TRIM25: variants seen among roughly 807,000 people sequenced by gnomAD.
TRIM25 encodes E3 ubiquitin/ISG15 ligase TRIM25.
In TRIM25, 45 loss-of-function variants were observed where a neutral mutation model predicts 65.2. The observed-to-expected ratio is 0.69, with a 90% CI of 0.54 to 0.89. TRIM25 has a LOEUF of 0.89. Among genes scored for constraint, TRIM25 ranks in the 40% least tolerant of loss-of-function variants. TRIM25 has a pLI of 0.00. For synonymous variants in TRIM25, 321 were observed against 340.4 expected (o/e 0.94, Z 0.63); for missense variants, 714 against 803.7 (o/e 0.89, Z 1.35).
chr17:56,895,700 G>C, intron 6 of TRIM25, 96 bp from the exon 7 acceptor site: 1 of 1,328,050 alleles, frequency 7.5e-7, no homozygotes, highest in Non-Finnish European at 1.0e-6. Flanking sequence ...ACACACGCCT[G>C]AACAGCAGGA....
Position 56,895,369 on chromosome 17 carries a change from G to T in TRIM25, c.1337C>A (p.Ala446Asp). 6.2e-7 allele frequency: 1 copy of T among 1,614,116 alleles called. No homozygotes were observed. Among genetic ancestry groups the T allele is most frequent in the Non-Finnish European group, 8.5e-7 (1 of 1,180,000 alleles). ...LKAKVLETFL[A>D]KSRPELLEYY... ...CTCCAGGAGCTCAGGTCTGGACTTG[G>T]CCAGGAAGGTCTCCAGCACCTTGGC... The change falls in exon 8 of 9, where the codon GCC becomes GAC. Residue 446 changes from alanine to aspartate, a missense_variant. Coordinates refer to ENST00000316881, the MANE Select transcript of TRIM25 (RefSeq NM_005082.5).
intron 5 of TRIM25, among the ~76,000 whole-genome samples, chr17:56,897,982 A>G (rs1274393511): frequency 6.6e-6 from 1 of 152,204 alleles, no homozygotes; most frequent in Non-Finnish European, 1.5e-5. Flanking sequence ...CCTGAACACT[A>G]AGCACAAGCA....
In TRIM25 at chr17:56,899,135, C is replaced by T. The variant is rs200203148; in HGVS notation, c.1133G>A (p.Arg378His). The T allele has an allele frequency of 5.2e-4, 843 of 1,614,036 alleles. 1 individual carries two copies. Among genetic ancestry groups the T allele is most frequent in the Non-Finnish European group, 6.9e-4 (815 of 1,180,034 alleles). ...CTTACTGGAGACCTTCTTCACAGGG[C>T]GTGTGGATTTGTGTGTGGACGCTGG... Reference protein sequence around the residue: ...HDPASTHKSTRPVKKVSKEEK... With the variant: ...HDPASTHKSTHPVKKVSKEEK... Residue 378 changes from arginine to histidine, a missense_variant, in exon 5 of 9, where the codon CGC (arginine) becomes CAC (histidine). Physicochemically the swap from Arg to His is conservative, Grantham distance 29. Transcript: ENST00000316881.
intron 2 of TRIM25, among the ~76,000 whole-genome samples, 168 bp downstream of exon 2, chr17:56,908,300 C>A (rs1909559102): frequency 6.6e-6 from 1 of 152,214 alleles, no homozygotes; most frequent in African/African-American, 2.4e-5. Context: ...TGCAAAGGAT[C>A]TCTCTCAGAC....
chr17:56,908,969 G>A (rs1417594962), intron 1 of TRIM25, among the ~76,000 whole-genome samples: 1 of 151,986 alleles, frequency 6.6e-6, no homozygotes, highest in African/African-American at 2.4e-5. Context: ...ATATTATTAT[G>A]AGTTTTTCTC....
Position 56,895,968 on chromosome 17 carries a change from T to C in TRIM25, c.1154-16A>G, listed in dbSNP as rs1277549210. 1.9e-6 allele frequency: 3 copies of C among 1,611,072 alleles called. No homozygotes were observed. The highest frequency in any genetic ancestry group is 2.2e-5 in the East Asian group (1 of 44,818). On this transcript the variant is annotated splice_polypyrimidine_tract_variant and intron_variant, in intron 5 of 8. Coordinates refer to ENST00000316881, the MANE Select transcript of TRIM25 (RefSeq NM_005082.5). ...TTTTCCTCTTCTGCAAAAGAAAGTTTTCAGATTTAATTTCTTTTAAGGCAC... is the reference window on the plus strand; with the variant it reads ...TTTTCCTCTTCTGCAAAAGAAAGTTCTCAGATTTAATTTCTTTTAAGGCAC...
intron 4 of TRIM25, among the ~76,000 whole-genome samples, chr17:56,900,825 G>A (rs961883559): frequency 6.6e-6 from 1 of 152,202 alleles, no homozygotes; most frequent in Non-Finnish European, 1.5e-5. Context: ...AGGAAGCCTA[G>A]TGAGAGGGCA....
At chr17:56,893,460 G>T (rs942788429) in intron 8 of TRIM25, among the ~76,000 whole-genome samples, 6 of 152,224 alleles carry the variant, frequency 3.9e-5, no homozygotes, top group Non-Finnish European at 7.3e-5. Context: ...GCCTCTCTTG[G>T]GGGGCAGGGA....
chr17:56,912,186 C>T (rs1909643595), intron 1 of TRIM25: 1 of 152,254 alleles, frequency 6.6e-6, no homozygotes, highest in Non-Finnish European at 1.5e-5. Flanking sequence ...GAAATGAAAT[C>T]AGGCCATGCT....
At chr17:56,900,538 A>G (rs1909390359) in intron 4 of TRIM25, among the ~76,000 whole-genome samples, 1 of 152,344 alleles carries the variant, frequency 6.6e-6, no homozygotes, top group Non-Finnish European at 1.5e-5. Context: ...GAGTGGGAGC[A>G]GTGGCAGGGG....
At position 56,913,655 on chromosome 17, in the gene TRIM25, T is replaced by A. The variant is rs751315089; in HGVS notation, c.334A>T (p.Lys112Ter). 6.3e-7 allele frequency: 1 copy of A among 1,597,832 alleles called. No individual in the cohort carries two copies. The highest frequency in any genetic ancestry group is 8.5e-7 in the Non-Finnish European group (1 of 1,170,860). Residue 112 changes from lysine (K) to a stop codon, truncating the protein, a stop_gained, in exon 1 of 9, where the codon AAG becomes TAG. Coordinates refer to ENST00000316881, the MANE Select transcript of TRIM25 (RefSeq NM_005082.5). LOFTEE classifies it high-confidence loss of function. This position sits in a 1 kb window ranked among gnomAD's most constrained non-coding sequence, Gnocchi z 6.1. ...AAGCACGTCTTCACGGCGGCCTCCT[T>A]CAGGCAGTGGTCGCAGGCCACCTGG... ...NAQVACDHCL[K>*]EAAVKTCLVC...
intron 3 of TRIM25, among the ~76,000 whole-genome samples, chr17:56,904,054 A>C (rs1282287511): frequency 1.3e-5 from 2 of 152,144 alleles, no homozygotes; most frequent in African/African-American, 4.8e-5. Flanking sequence ...AGAAACTCTG[A>C]GAGAATAAAT....
intron 8 of TRIM25, 37 bp downstream of exon 8, chr17:56,895,306 A>G (rs993192566): frequency 6.4e-7 from 1 of 1,554,240 alleles, no homozygotes; most frequent in African/African-American, 1.4e-5. Flanking sequence ...GAGAGACAGA[A>G]CCAGTGGAAC....
At position 56,890,142 on chromosome 17, in the gene TRIM25, C is replaced by G; in HGVS notation, c.*1558G>C. ...GTCTCTAGTTCCCCAATGGTGACTT[C>G]TTTTCATATTATAGGAAGCCTGACA... On this transcript the variant is annotated 3_prime_UTR_variant, in exon 9 of 9. Coordinates refer to ENST00000316881, the MANE Select transcript of TRIM25 (RefSeq NM_005082.5). 3.2e-6 allele frequency: 1 copy of G among 315,854 alleles called. No homozygotes were observed. The highest frequency in any genetic ancestry group is 4.4e-5 in the Admixed American group (1 of 22,668). The allele number at this position is 315,854 out of a possible 1,614,324, so 19.6% of individuals were successfully genotyped here. A position where few individuals can be genotyped will look rare whatever the true frequency, so the allele number is the denominator to read the frequency against.
chr17:56,895,040 G>A (rs205499), intron 8 of TRIM25, among the ~76,000 whole-genome samples: 27,240 of 152,164 alleles, frequency 0.18, 2,599 homozygotes, highest in Non-Finnish European at 0.2. Context: ...GCCGGTGACC[G>A]CAATCGCCCT....
At chr17:56,905,409 CT>C (rs1259427221) in intron 2 of TRIM25, among the ~76,000 whole-genome samples, 1 of 152,050 alleles carries the variant, frequency 6.6e-6, no homozygotes, top group East Asian at 1.9e-4. Flanking sequence ...CAGGATGCAG[CT>C]CTGGAAAATT....
intron 5 of TRIM25, among the ~76,000 whole-genome samples, chr17:56,898,639 T>C (rs1350958212): frequency 6.6e-6 from 1 of 151,784 alleles, no homozygotes; most frequent in Non-Finnish European, 1.5e-5. Flanking sequence ...ATTTCATGGG[T>C]TGTAATTAGG....
Position 56,891,968 on chromosome 17 carries a change from A to G in TRIM25, c.1625T>C (p.Leu542Pro). The change falls in exon 9 of 9, where the codon CTC becomes CCC. Residue 542 changes from leucine to proline, a missense_variant. Physicochemically the swap from Leu to Pro is moderately conservative, Grantham distance 98. This residue lies in a region of TRIM25 where 413 missense variants were observed against 498.2 expected (regional missense o/e 0.83). Transcript: ENST00000316881. ...SMNRQGPESRLGRNSASWCVE... is the reference protein window; with the variant it reads ...SMNRQGPESRPGRNSASWCVE... Reference sequence around the variant, plus strand: ...GCACCAGGAGGCGCTGTTGCGGCCGAGCCTGCTTTCTGGGCCCTGCCGGTT... The same window carrying G: ...GCACCAGGAGGCGCTGTTGCGGCCGGGCCTGCTTTCTGGGCCCTGCCGGTT... The G allele has an allele frequency of 1.9e-6, 3 of 1,614,168 alleles. No individual in the cohort carries two copies. Among genetic ancestry groups the G allele is most frequent in the Non-Finnish European group, 2.5e-6 (3 of 1,180,018 alleles).
chr17:56,899,289 T>C (rs1207974166), intron 4 of TRIM25, 109 bp from the exon 5 acceptor site: 47 of 1,040,766 alleles, frequency 4.5e-5, no homozygotes, highest in Non-Finnish European at 5.8e-6. Context: ...GACAGCCATT[T>C]CCTCCGACCT....
Sources: gnomAD v4.1 joint callset for allele counts (sites outside exome capture counted in the v4.1 genomes callset) on GRCh38, gnomAD v4.1.1 for gene constraint, gnomAD v4.1.1 regional missense constraint, Gnocchi (gnomAD v3.1) non-coding constraint, MANE v1.5 for transcripts, NCBI Gene and HGNC (gene_info 2026-07-23, HGNC 2026-07-21) for gene names.